SLC44A3: variants seen among roughly 807,000 people sequenced by gnomAD.
SLC44A3 encodes the protein solute carrier family 44 member 3, also known as choline transporter-like protein 3.
A neutral mutation model predicts 75.4 loss-of-function variants in SLC44A3; 74 were observed. That is an observed-to-expected ratio of 0.98 (90% confidence interval 0.81 to 1.19). The LOEUF is 1.19. SLC44A3 is among the 50% of genes most tolerant of loss of function. The pLI, the probability that SLC44A3 is intolerant of heterozygous loss-of-function variation, is 0.00. For missense variants in SLC44A3, 700 were observed against 778.6 expected (o/e 0.90, Z 1.20); for synonymous variants, 310 against 296.9 (o/e 1.04, Z -0.45).
chr1:94,854,892 C>T (rs1388109943), intron 9 of SLC44A3, among the ~76,000 whole-genome samples: 3 of 152,088 alleles, frequency 2.0e-5, no homozygotes, highest in Non-Finnish European at 4.4e-5. Context: ...CAGCCCCAGC[C>T]CCAGCCCCAG....
At position 94,820,485 on chromosome 1, in the gene SLC44A3, G is replaced by A; in HGVS notation, c.27+7G>A. On this transcript the variant is annotated splice_region_variant and intron_variant, in intron 1 of 14. Transcript: ENST00000271227. Reference sequence around the variant, plus strand: ...CCTGGGCGCCGAGTACCTGGTAAGCGCTCGCAGCCTCGGCCCTCGGGGGAG... The same window carrying A: ...CCTGGGCGCCGAGTACCTGGTAAGCACTCGCAGCCTCGGCCCTCGGGGGAG... 6.7e-7 allele frequency: 1 copy of A among 1,493,990 alleles called. No individual in the cohort carries two copies. Among genetic ancestry groups the A allele is most frequent in the South Asian group, 1.2e-5 (1 of 80,388 alleles). 92.5% of individuals were successfully genotyped at this position (1,493,990 alleles called of 1,614,324 possible).
chr1:94,821,211 C>G (rs1288559682), intron 2 of SLC44A3, among the ~76,000 whole-genome samples, 155 bp downstream of exon 2: 1 of 152,190 alleles, frequency 6.6e-6, no homozygotes, highest in Non-Finnish European at 1.5e-5. Context: ...GAATTCTTGT[C>G]CTAGACTCGC....
At chr1:94,860,456 A>G (rs1666439381) in intron 10 of SLC44A3, among the ~76,000 whole-genome samples, 1 of 152,172 alleles carries the variant, frequency 6.6e-6, no homozygotes, top group South Asian at 2.1e-4. Context: ...GAAAAGAAGA[A>G]AGAGAGGAAA....
chr1:94,867,459 CA>C, intron 12 of SLC44A3, 42 bp downstream of exon 12: 1 of 1,503,368 alleles, frequency 6.7e-7, no homozygotes, highest in African/African-American at 1.4e-5. Context: ...CAGAAGGGTC[CA>C]AAGGTGGGCT....
At chr1:94,836,505 C>T (rs988887521) in intron 5 of SLC44A3, among the ~76,000 whole-genome samples, 1 of 152,230 alleles carries the variant, frequency 6.6e-6, no homozygotes, top group African/African-American at 2.4e-5. Context: ...CTAATAGTGT[C>T]ATTAACACAG....
At chr1:94,870,060 A>G (rs1667585503) in intron 12 of SLC44A3, among the ~76,000 whole-genome samples, 1 of 152,254 alleles carries the variant, frequency 6.6e-6, no homozygotes, top group Non-Finnish European at 1.5e-5. Flanking sequence ...CAGTTGCTGC[A>G]TTTTGTGAAC....
chr1:94,881,947 G>T (rs1162168170), intron 12 of SLC44A3, among the ~76,000 whole-genome samples: 1 of 152,084 alleles, frequency 6.6e-6, no homozygotes, highest in African/African-American at 2.4e-5. Flanking sequence ...TTGAACCCAG[G>T]AGGTGGAGGT....
rs1312308483 is a variant in SLC44A3 at position 94,837,810 on chromosome 1, A to T, written c.609A>T (p.Arg203=). ...TAAATGATGTTGACACCCTCCACCG[A>T]ATTCTAAGTGGAATCATGTCGGGAA... ...VLINDVDTLH[R]ILSGIMSGRD... is the part of the protein sequence containing the mutation. Residue 203 remains arginine, a synonymous_variant, in exon 6 of 15, where the codon CGA becomes CGT. Transcript: ENST00000271227. 4.3e-6 allele frequency: 7 copies of T among 1,612,774 alleles called. No individual in the cohort carries two copies. The South Asian group carries it at 7.7e-5, about 18-fold the overall frequency.
At chr1:94,892,958 C>G (rs1192398878) in intron 14 of SLC44A3, among the ~76,000 whole-genome samples, 2 of 152,238 alleles carry the variant, frequency 1.3e-5, no homozygotes, top group African/African-American at 4.8e-5. Flanking sequence ...CACTTGTGTG[C>G]TCCTCTGTGC....
intron 12 of SLC44A3, among the ~76,000 whole-genome samples, chr1:94,879,771 G>A (rs1162365573): frequency 1.3e-5 from 2 of 149,922 alleles, no homozygotes; most frequent in African/African-American, 4.9e-5. Context: ...CCTGGGAGGC[G>A]GAGCTTGCAG....
At chr1:94,821,085 G>A in intron 2 of SLC44A3, 29 bp downstream of exon 2, 1 of 1,525,126 alleles carries the variant, frequency 6.6e-7, no homozygotes, top group Non-Finnish European at 8.9e-7. Context: ...TAGGAAAGAG[G>A]CCAGAGTGTG....
chr1:94,878,242 C>A (rs545409273), intron 12 of SLC44A3, among the ~76,000 whole-genome samples: 121 of 147,368 alleles, frequency 8.2e-4, no homozygotes, highest in African/African-American at 2.6e-3. Context: ...CACAAAAAAA[C>A]CAAAACAAAC....
At chr1:94,848,442 C>G (rs1664745042) in intron 9 of SLC44A3, among the ~76,000 whole-genome samples, 1 of 152,078 alleles carries the variant, frequency 6.6e-6, no homozygotes, top group South Asian at 2.1e-4. Context: ...TCTAGAGAAT[C>G]ATCAGAGAAA....
chr1:94,887,000 C>T (rs974848215), intron 12 of SLC44A3, among the ~76,000 whole-genome samples: 8 of 151,902 alleles, frequency 5.3e-5, no homozygotes, highest in South Asian at 2.1e-4. Flanking sequence ...AATCAAAAGC[C>T]GAATGCCACT....
chr1:94,852,806 G>T (rs56378621), intron 9 of SLC44A3, among the ~76,000 whole-genome samples: 11,694 of 152,230 alleles, frequency 0.077, 1,072 homozygotes, highest in African/African-American at 0.22. Flanking sequence ...GACTCTGAGG[G>T]ATTTTGGCCT....
Position 94,894,981 on chromosome 1 carries a change from T to TAGA in SLC44A3, c.*63_*65dup. 7.4e-7 allele frequency: 1 copy of TAGA among 1,358,436 alleles called. No homozygotes were observed. The highest frequency in any genetic ancestry group is 2.5e-5 in the East Asian group (1 of 40,332). 84.1% of individuals were successfully genotyped at this position (1,358,436 alleles called of 1,614,324 possible). A position where few individuals can be genotyped will look rare whatever the true frequency, so the allele number is the denominator to read the frequency against. On this transcript the variant is annotated 3_prime_UTR_variant, in exon 15 of 15. Coordinates refer to ENST00000271227, the MANE Select transcript of SLC44A3 (RefSeq NM_001114106.3). ...TTCCTTCTAAGAGCCATTTACAGAATAGAAGATGAGACCACTAGAGAAAAG... is the reference window on the plus strand; with the variant it reads ...TTCCTTCTAAGAGCCATTTACAGAATAGAAGAAGATGAGACCACTAGAGAAAAG...
intron 4 of SLC44A3, 56 bp downstream of exon 4, chr1:94,827,699 C>G: frequency 6.3e-6 from 10 of 1,581,564 alleles, no homozygotes; most frequent in Middle Eastern, 1.7e-4. Flanking sequence ...GCTGTGGGGA[C>G]CTAGATGAGA....
intron 10 of SLC44A3, among the ~76,000 whole-genome samples, chr1:94,857,809 C>CTTTTT (rs34204401): frequency 3.1e-5 from 2 of 64,006 alleles, no homozygotes. Context: ...ATGGAGTAGC[C>CTTTTT]TTTTTTTTTT....
At chr1:94,828,281 T>C (rs775171891) in intron 4 of SLC44A3, among the ~76,000 whole-genome samples, 6 of 152,230 alleles carry the variant, frequency 3.9e-5, no homozygotes, top group Admixed American at 2.0e-4. Context: ...ACCAATCATA[T>C]AACTTTTAGT....
Sources: gnomAD v4.1 joint callset for allele counts (sites outside exome capture counted in the v4.1 genomes callset) on GRCh38, gnomAD v4.1.1 for gene constraint, MANE v1.5 for transcripts, NCBI Gene and HGNC (gene_info 2026-07-23, HGNC 2026-07-21) for gene names.